The following ACTR3B variants were observed in gnomAD, a reference collection of about 807,000 sequenced individuals.
The protein encoded by ACTR3B is actin related protein 3B, also known as actin-related protein 3B.
ACTR3B carries 8 observed loss-of-function variants against 59.0 expected under a neutral mutation model. The observed-to-expected ratio is 0.14, with a 90% CI of 0.08 to 0.24. The LOEUF is 0.24. ACTR3B is among the 10% of genes least tolerant of loss of function. The pLI is 1.00. For missense variants in ACTR3B, 245 were observed against 552.3 expected (o/e 0.44, Z 5.58); for synonymous variants, 148 against 197.9 (o/e 0.75, Z 2.12).
At chr7:152,845,157 T>C (rs980336152) in intron 9 of ACTR3B, among the ~76,000 whole-genome samples, 3 of 151,344 alleles carry the variant, frequency 2.0e-5, no homozygotes, top group Non-Finnish European at 4.4e-5. Flanking sequence ...TGCTTTGAAG[T>C]TTTAATATAC....
At chr7:152,797,308 T>C (rs1413794876) in intron 2 of ACTR3B, among the ~76,000 whole-genome samples, 4 of 152,114 alleles carry the variant, frequency 2.6e-5, no homozygotes, top group Admixed American at 2.6e-4. Context: ...CTGAAACTCC[T>C]GAGCTCAAGC....
intron 4 of ACTR3B, among the ~76,000 whole-genome samples, chr7:152,807,045 C>G (rs941626209): frequency 9.9e-5 from 15 of 152,190 alleles, no homozygotes; most frequent in Non-Finnish European, 1.8e-4. Context: ...TGTGCTGCAT[C>G]TCCTGCTTGG....
At chr7:152,771,481 A>T (rs2098123711) in intron 1 of ACTR3B, among the ~76,000 whole-genome samples, 1 of 152,204 alleles carries the variant, frequency 6.6e-6, no homozygotes, top group Non-Finnish European at 1.5e-5. Flanking sequence ...GAAATCACTG[A>T]TGTGAGGATC....
rs1386732913 is a variant in ACTR3B at position 152,780,635 on chromosome 7, A to G, written c.45-2552A>G. Among the ~76,000 whole-genome samples, 17 of 151,550 alleles carry G rather than the reference A, an allele frequency of 1.1e-4. No individual in the cohort carries two copies. In the South Asian group the frequency reaches 3.1e-3, roughly 28 times the overall value. On this transcript the variant is annotated intron_variant, in intron 1 of 11. Transcript: ENST00000256001. ...CCTTTTCCTGCTGTGGGCCATAGTT[A>G]TGATTTCAGGGTACAAAACTTTGGG...
At chr7:152,790,337 T>C (rs1222655917) in intron 2 of ACTR3B, among the ~76,000 whole-genome samples, 1 of 152,174 alleles carries the variant, frequency 6.6e-6, no homozygotes, top group African/African-American at 2.4e-5. Context: ...TATTGAACAG[T>C]TATTTCTTTT....
chr7:152,781,051 G>C (rs958694701), intron 1 of ACTR3B, among the ~76,000 whole-genome samples: 6 of 151,652 alleles, frequency 4.0e-5, no homozygotes, highest in Non-Finnish European at 7.4e-5. Context: ...AGTGGGGCTG[G>C]GATTTGAACT....
chr7:152,830,232 G>T (rs1270607464), intron 9 of ACTR3B, among the ~76,000 whole-genome samples: 2 of 152,172 alleles, frequency 1.3e-5, no homozygotes, highest in Non-Finnish European at 2.9e-5. Context: ...GAAGGAGAGT[G>T]GGCAGATGCC....
chr7:152,854,222 GT>G lies in ACTR3B; in HGVS notation c.1162-235del, dbSNP rs1799076410. Among the ~76,000 whole-genome samples, 1 of 152,176 alleles carries G rather than the reference GT, an allele frequency of 6.6e-6. No individual in the cohort carries two copies. The highest frequency in any genetic ancestry group is 2.4e-5 in the African/African-American group (1 of 41,440). On this transcript the variant is annotated intron_variant, in intron 11 of 11. Coordinates refer to ENST00000256001, the MANE Select transcript of ACTR3B (RefSeq NM_020445.6). This position sits in a 1 kb window ranked among gnomAD's most constrained non-coding sequence, Gnocchi z 4.9. ...TTTGTGAATAGCTCACACATTGTTAGTGGGGGACCGGCATTTGGTTGGTCCT... is the reference window on the plus strand; with the variant it reads ...TTTGTGAATAGCTCACACATTGTTAGGGGGGACCGGCATTTGGTTGGTCCT...
At chr7:152,846,357 T>A (rs562405792) in intron 9 of ACTR3B, among the ~76,000 whole-genome samples, 24 of 121,912 alleles carry the variant, frequency 2.0e-4, no homozygotes, top group African/African-American at 7.3e-4. Flanking sequence ...TGCAGTGAGC[T>A]CTAGTGCCCG....
intron 3 of ACTR3B, 118 bp downstream of exon 3, chr7:152,800,773 T>A: frequency 1.5e-6 from 2 of 1,316,976 alleles, no homozygotes; most frequent in Admixed American, 2.4e-5. Context: ...TGAATTCTTA[T>A]GTTTGAATAG....
rs576650813 is a variant in ACTR3B, at chr7:152,799,511, AATT to A, written c.101-1009_101-1007del. On this transcript the variant is annotated intron_variant, in intron 2 of 11. Transcript: ENST00000256001. The stretch of plus-strand genomic sequence containing the variant: ...AGAGTGTTCAATAAATGTAAACTTT[AATT>A]ATTATTATTAGTTATTGACTTCAGA... Among the ~76,000 whole-genome samples the A allele has an allele frequency of 4.0e-3, 602 of 152,294 alleles. 6 individuals are homozygous for A. Among genetic ancestry groups the A allele is most frequent in the South Asian group, 0.039 (189 of 4,822 alleles).
intron 1 of ACTR3B, among the ~76,000 whole-genome samples, chr7:152,773,595 G>A (rs2098129399): frequency 2.0e-5 from 3 of 151,786 alleles, no homozygotes; most frequent in South Asian, 4.2e-4. Context: ...TAAAAAAAAA[G>A]CAAAAGGATG....
intron 1 of ACTR3B, among the ~76,000 whole-genome samples, chr7:152,770,936 A>C (rs1474165350): frequency 6.7e-6 from 1 of 149,272 alleles, no homozygotes; most frequent in Non-Finnish European, 1.5e-5. Flanking sequence ...CTTTGGAAAG[A>C]GTACTTCAGT....
At chr7:152,830,732 G>A (rs533678428) in intron 9 of ACTR3B, among the ~76,000 whole-genome samples, 14 of 151,784 alleles carry the variant, frequency 9.2e-5, no homozygotes, top group Non-Finnish European at 1.6e-4. Flanking sequence ...ATTTTTTTTT[G>A]TAGAGTTGAG....
At chr7:152,833,717 C>A (rs1379852222) in intron 9 of ACTR3B, among the ~76,000 whole-genome samples, 1 of 152,126 alleles carries the variant, frequency 6.6e-6, no homozygotes, top group Non-Finnish European at 1.5e-5. Flanking sequence ...TCCAATCTTT[C>A]TGACATAAAT....
intron 9 of ACTR3B, among the ~76,000 whole-genome samples, chr7:152,851,787 T>C (rs1359970345): frequency 6.6e-6 from 1 of 152,142 alleles, no homozygotes; most frequent in Non-Finnish European, 1.5e-5. Context: ...CTGGTGTTAT[T>C]TTGGCTCAAG....
intron 1 of ACTR3B, among the ~76,000 whole-genome samples, chr7:152,773,908 T>A (rs1206649284): frequency 6.6e-6 from 1 of 152,118 alleles, no homozygotes; most frequent in Non-Finnish European, 1.5e-5. Flanking sequence ...CCACACTTGC[T>A]CCTCAGCCCT....
intron 9 of ACTR3B, among the ~76,000 whole-genome samples, chr7:152,846,668 C>G (rs1259943181): frequency 2.1e-5 from 3 of 146,204 alleles, no homozygotes; most frequent in African/African-American, 7.7e-5. Context: ...GTAGTGAGCT[C>G]TAGTGCCCGG....
At position 152,772,437 on chromosome 7, in the gene ACTR3B, A is replaced by T. The variant is rs551493983; in HGVS notation, c.45-10750A>T. ...TAACCTGGGAGGCAGAGGTGGGAGG[A>T]TGGTGTGGATCTAAGAGTTCAAGGT... is the stretch of plus-strand genomic sequence containing the variant. On this transcript the variant is annotated intron_variant, in intron 1 of 11. Coordinates refer to ENST00000256001, the MANE Select transcript of ACTR3B (RefSeq NM_020445.6). Among the ~76,000 whole-genome samples the T allele has an allele frequency of 4.5e-4, 69 of 152,254 alleles. 1 individual carries two copies. Among genetic ancestry groups the T allele is most frequent in the African/African-American group, 1.6e-3 (68 of 41,540 alleles).
Sources: gnomAD v4.1 joint callset for allele counts (sites outside exome capture counted in the v4.1 genomes callset) on GRCh38, gnomAD v4.1.1 for gene constraint, Gnocchi (gnomAD v3.1) non-coding constraint, MANE v1.5 for transcripts, NCBI Gene and HGNC (gene_info 2026-07-23, HGNC 2026-07-21) for gene names.